The following ANKIB1 variants were observed in gnomAD, a reference collection of about 807,000 sequenced individuals.
The protein encoded by ANKIB1 is ankyrin repeat and IBR domain-containing protein 1.
ANKIB1 carries 43 observed loss-of-function variants against 122.1 expected under a neutral mutation model. The ratio of observed to expected loss-of-function variants is 0.35; its 90% CI spans 0.28 to 0.45. The LOEUF (loss-of-function observed/expected upper bound fraction) is 0.45. ANKIB1 is among the 20% of genes least tolerant of loss of function. The probability of loss-of-function intolerance (pLI) is 1.00; values close to 1 mark genes in which losing one functional copy is unlikely to be tolerated. For missense variants in ANKIB1, 992 were observed against 1,329.5 expected (o/e 0.75, Z 3.95); for synonymous variants, 390 against 442.0 (o/e 0.88, Z 1.48).
At chr7:92,329,326 C>G (rs1220555231) in intron 5 of ANKIB1, among the ~76,000 whole-genome samples, 1 of 152,080 alleles carries the variant, frequency 6.6e-6, no homozygotes, top group African/African-American at 2.4e-5. Context: ...ACCTTATATA[C>G]CTGTAGCTCT....
intron 17 of ANKIB1, among the ~76,000 whole-genome samples, chr7:92,392,625 A>T (rs1382135501): frequency 6.6e-6 from 1 of 152,062 alleles, no homozygotes; most frequent in Non-Finnish European, 1.5e-5. Flanking sequence ...TATTGTTTTA[A>T]TCTGAAACTA....
At chr7:92,265,688 A>G (rs1801657441) in intron 1 of ANKIB1, among the ~76,000 whole-genome samples, 1 of 152,182 alleles carries the variant, frequency 6.6e-6, no homozygotes, top group South Asian at 2.1e-4. Context: ...GGAGATGGGA[A>G]GGTTTGGTCA....
intron 11 of ANKIB1, among the ~76,000 whole-genome samples, chr7:92,380,244 T>TGGCTCC (rs1418515559): frequency 6.6e-6 from 1 of 152,152 alleles, no homozygotes; most frequent in Non-Finnish European, 1.5e-5. Context: ...TCAAACTGGG[T>TGGCTCC]GGAGCCCACC....
intron 2 of ANKIB1, 90 bp from the exon 3 acceptor site, chr7:92,307,269 T>A: frequency 7.7e-7 from 1 of 1,299,358 alleles, no homozygotes; most frequent in Non-Finnish European, 1.0e-6. Flanking sequence ...AGAAGTAGAG[T>A]TTATCTTTTA....
At chr7:92,330,719 G>A (rs1200485972) in intron 5 of ANKIB1, among the ~76,000 whole-genome samples, 3 of 152,048 alleles carry the variant, frequency 2.0e-5, no homozygotes, top group Non-Finnish European at 2.9e-5. Context: ...GTGGGCGCCT[G>A]TAGTCCCAGC....
At chr7:92,388,271 G>A (rs936457974) in intron 14 of ANKIB1, among the ~76,000 whole-genome samples, 1 of 152,180 alleles carries the variant, frequency 6.6e-6, no homozygotes, top group Non-Finnish European at 1.5e-5. Flanking sequence ...GGTGTTATGA[G>A]ATAAAAACAC....
At chr7:92,333,045 C>T (rs1217869756) in intron 5 of ANKIB1, among the ~76,000 whole-genome samples, 1 of 152,174 alleles carries the variant, frequency 6.6e-6, no homozygotes, top group Non-Finnish European at 1.5e-5. Flanking sequence ...ATTTCCTCTC[C>T]CATCCTGTCA....
rs1802857258 is a variant in ANKIB1 at position 92,319,313 on chromosome 7, A to G, written c.487-17A>G. Reference sequence around the variant, plus strand: ...TTGAACCTGTAGTTGCAAGTTTTTGAAAAAAAACTTTTTTAGCTTTTAGTA... The same window carrying G: ...TTGAACCTGTAGTTGCAAGTTTTTGGAAAAAAACTTTTTTAGCTTTTAGTA... On this transcript the variant is annotated splice_polypyrimidine_tract_variant and intron_variant, in intron 3 of 19. Transcript: ENST00000265742. The G allele has an allele frequency of 1.9e-6, 3 of 1,541,408 alleles. No homozygotes were observed. Among genetic ancestry groups the G allele is most frequent in the South Asian group, 1.2e-5 (1 of 80,532 alleles).
chr7:92,272,674 A>G (rs1482323304), intron 1 of ANKIB1, among the ~76,000 whole-genome samples: 2 of 152,204 alleles, frequency 1.3e-5, no homozygotes, highest in East Asian at 1.9e-4. Context: ...TATTTTGCAT[A>G]TGGAGAATAA....
chr7:92,357,218 T>A (rs1371908992), intron 9 of ANKIB1, among the ~76,000 whole-genome samples: 1 of 152,072 alleles, frequency 6.6e-6, no homozygotes, highest in Non-Finnish European at 1.5e-5. Flanking sequence ...CGTGGAGGAG[T>A]TTAGATTAGG....
intron 2 of ANKIB1, among the ~76,000 whole-genome samples, chr7:92,306,067 G>T (rs1376191224): frequency 7.4e-6 from 1 of 135,824 alleles, no homozygotes; most frequent in Non-Finnish European, 1.5e-5. Flanking sequence ...TCTCCAAGAG[G>T]GGAGGAGGTC....
intron 17 of ANKIB1, among the ~76,000 whole-genome samples, chr7:92,393,306 G>A (rs762842436): frequency 6.6e-5 from 10 of 151,906 alleles, no homozygotes; most frequent in Non-Finnish European, 1.0e-4. Context: ...TTAGAGCCCT[G>A]ATCTGGACAT....
At chr7:92,263,608 A>C (rs1801607582) in intron 1 of ANKIB1, among the ~76,000 whole-genome samples, 1 of 152,194 alleles carries the variant, frequency 6.6e-6, no homozygotes, top group Non-Finnish European at 1.5e-5. Context: ...ATGGAAAAGA[A>C]GTATTACTGT....
intron 10 of ANKIB1, among the ~76,000 whole-genome samples, chr7:92,363,398 A>G (rs958438953): frequency 6.6e-6 from 1 of 152,166 alleles, no homozygotes; most frequent in African/African-American, 2.4e-5. Context: ...TGACAGAGCG[A>G]GACTCCGTCT....
intron 1 of ANKIB1, among the ~76,000 whole-genome samples, chr7:92,261,118 G>T (rs1197253831): frequency 6.6e-6 from 1 of 152,036 alleles, no homozygotes; most frequent in East Asian, 1.9e-4. Flanking sequence ...GGGAGGCCGA[G>T]GCGGGCGGAT....
At chr7:92,298,995 T>TA in intron 2 of ANKIB1, among the ~76,000 whole-genome samples, 1 of 152,240 alleles carries the variant, frequency 6.6e-6, no homozygotes, top group Non-Finnish European at 1.5e-5. Context: ...CGTACTTTTT[T>TA]AATGGAACAG....
At chr7:92,276,592 A>T (rs1014572584) in intron 1 of ANKIB1, among the ~76,000 whole-genome samples, 3 of 152,242 alleles carry the variant, frequency 2.0e-5, no homozygotes, top group Non-Finnish European at 2.9e-5. Flanking sequence ...TTGACAGCTA[A>T]GCCCTTTAGA....
intron 9 of ANKIB1, among the ~76,000 whole-genome samples, chr7:92,354,721 T>C (rs1803750121): frequency 6.6e-6 from 1 of 152,170 alleles, no homozygotes; most frequent in Non-Finnish European, 1.5e-5. Flanking sequence ...CTTATTCATA[T>C]AGTATAAAAG....
At chr7:92,269,471 T>C (rs191952946) in intron 1 of ANKIB1, among the ~76,000 whole-genome samples, 49 of 152,362 alleles carry the variant, frequency 3.2e-4, no homozygotes, top group Non-Finnish European at 5.9e-4. Flanking sequence ...GCGCTTTCAT[T>C]CACATACTGA....
Sources: gnomAD v4.1 joint callset for allele counts (sites outside exome capture counted in the v4.1 genomes callset) on GRCh38, gnomAD v4.1.1 for gene constraint, MANE v1.5 for transcripts, NCBI Gene and HGNC (gene_info 2026-07-23, HGNC 2026-07-21) for gene names.